The following FAM124A variants were observed in gnomAD, a reference collection of about 807,000 sequenced individuals.
FAM124A encodes protein FAM124A.
In FAM124A, 23 loss-of-function variants were observed where a neutral mutation model predicts 24.5. The observed-to-expected ratio is 0.94, with a 90% confidence interval of 0.68 to 1.33. The LOEUF (loss-of-function observed/expected upper bound fraction) is 1.33, where lower values mean the gene tolerates loss of function less well. Among genes scored for constraint, FAM124A ranks in the 40% most tolerant of loss-of-function variants. The pLI is 0.00. For missense variants in FAM124A, 623 were observed against 722.8 expected (o/e 0.86, Z 1.58); for synonymous variants, 287 against 314.7 (o/e 0.91, Z 0.93).
chr13:51,224,568 A>G (rs765967104), intron 1 of FAM124A, among the ~76,000 whole-genome samples: 78 of 152,342 alleles, frequency 5.1e-4, no homozygotes, highest in Non-Finnish European at 9.7e-4. Flanking sequence ...TGTGTTTGCC[A>G]TATATTCACA....
At chr13:51,242,851 C>G (rs1954513697) in intron 2 of FAM124A, among the ~76,000 whole-genome samples, 1 of 151,998 alleles carries the variant, frequency 6.6e-6, no homozygotes. Context: ...TCCAGCAAAT[C>G]ATAAAAAAAA....
chr13:51,281,971 C>T lies in FAM124A; in HGVS notation c.*715C>T, dbSNP rs1373430590. ...GAGTTCCAGAAAGTAGATTTGCATA[C>T]ACCTTTTCAACAGCACATTTCACTG... On this transcript the variant is annotated 3_prime_UTR_variant, in exon 4 of 4. Coordinates refer to ENST00000322475, the MANE Select transcript of FAM124A (RefSeq NM_001242312.2). 2 of 152,172 alleles carry T rather than the reference C, an allele frequency of 1.3e-5. No individual in the cohort carries two copies. The highest frequency in any genetic ancestry group is 4.8e-5 in the African/African-American group (2 of 41,442). The allele number at this position is 152,172 out of a possible 1,614,324, so 9.4% of individuals were successfully genotyped here.
intron 3 of FAM124A, among the ~76,000 whole-genome samples, chr13:51,268,504 C>T (rs1163653326): frequency 3.9e-5 from 6 of 152,224 alleles, no homozygotes; most frequent in Non-Finnish European, 4.4e-5. Flanking sequence ...ATCCAGTTGG[C>T]TTAGCTCAGT....
chr13:51,238,933 A>C (rs978595122), intron 2 of FAM124A, among the ~76,000 whole-genome samples: 2 of 152,172 alleles, frequency 1.3e-5, no homozygotes, highest in African/African-American at 4.8e-5. Flanking sequence ...TCCATTTCCA[A>C]AAAAAATATG....
chr13:51,224,196 C>T (rs1226549411), intron 1 of FAM124A, among the ~76,000 whole-genome samples: 1 of 152,224 alleles, frequency 6.6e-6, no homozygotes, highest in East Asian at 1.9e-4. Flanking sequence ...TGGCCAGGTG[C>T]GGTAGCTCGC....
chr13:51,257,467 A>G (rs999080161), intron 3 of FAM124A, among the ~76,000 whole-genome samples: 1 of 152,048 alleles, frequency 6.6e-6, no homozygotes, highest in Non-Finnish European at 1.5e-5. Context: ...CACCCTGTAC[A>G]CTCCAGATCT....
chr13:51,270,751 G>A (rs1452779083), intron 3 of FAM124A, among the ~76,000 whole-genome samples: 1 of 152,232 alleles, frequency 6.6e-6, no homozygotes, highest in African/African-American at 2.4e-5. Context: ...GTATTCTGAG[G>A]AAGGCTGGAT....
chr13:51,228,332 A>C (rs1314799019), intron 1 of FAM124A, among the ~76,000 whole-genome samples: 1 of 152,198 alleles, frequency 6.6e-6, no homozygotes, highest in African/African-American at 2.4e-5. Flanking sequence ...TATTGTAATT[A>C]ATATAGACAA....
chr13:51,271,379 A>T (rs901791029), intron 3 of FAM124A, among the ~76,000 whole-genome samples: 6 of 152,188 alleles, frequency 3.9e-5, no homozygotes, highest in Non-Finnish European at 7.3e-5. Flanking sequence ...AGTTTTGAAG[A>T]GTATATAGTC....
intron 2 of FAM124A, among the ~76,000 whole-genome samples, chr13:51,234,751 G>C (rs142404189): frequency 6.6e-6 from 1 of 152,280 alleles, no homozygotes; most frequent in East Asian, 1.9e-4. Flanking sequence ...TAAAAATCTG[G>C]AAGCCTGGGC....
intron 1 of FAM124A, among the ~76,000 whole-genome samples, chr13:51,225,786 C>T (rs569982624): frequency 2.4e-4 from 36 of 152,014 alleles, no homozygotes; most frequent in South Asian, 6.3e-4. Flanking sequence ...GAAAAGGAGA[C>T]AGGTGGATTC....
rs369352318 is a variant in FAM124A, at chr13:51,257,609, AC to A, written c.834+5409del. Among the ~76,000 whole-genome samples, 682 of 152,256 alleles carry A rather than the reference AC, an allele frequency of 4.5e-3. 3 individuals carry two copies. Among genetic ancestry groups the A allele is most frequent in the Non-Finnish European group, 7.2e-3 (493 of 68,012 alleles). On this transcript the variant is annotated intron_variant, in intron 3 of 3. Coordinates refer to ENST00000322475, the MANE Select transcript of FAM124A (RefSeq NM_001242312.2). The stretch of plus-strand genomic sequence containing the variant: ...CCCTTCCAGATCTTCACCAAGGCCT[AC>A]GGCTCTCTGGCTTTATTTATCTCTC...
chr13:51,251,935 T>C lies in FAM124A; in HGVS notation c.568T>C (p.Tyr190His). Reference sequence around the variant, plus strand: ...CAACTATGCTGACAGCCTCAGGTTCTACCAGCTGATTCTCCGGAGGAGCCC... The same window carrying C: ...CAACTATGCTGACAGCCTCAGGTTCCACCAGCTGATTCTCCGGAGGAGCCC... ...YDNYADSLRF[Y>H]QLILRRSPSQ... The change falls in exon 3 of 4, where the codon TAC (tyrosine) becomes CAC (histidine). Residue 190 changes from tyrosine to histidine, a missense_variant. Tyr to His is a moderately conservative substitution (Grantham distance 83). Coordinates refer to ENST00000322475, the MANE Select transcript of FAM124A (RefSeq NM_001242312.2). This position sits in a 1 kb window ranked among gnomAD's most constrained non-coding sequence, Gnocchi z 5.3. The C allele has an allele frequency of 1.2e-6, 2 of 1,614,214 alleles. No homozygotes were observed. The highest frequency in any genetic ancestry group is 1.7e-6 in the Non-Finnish European group (2 of 1,180,030).
chr13:51,257,067 T>C (rs1411622981), intron 3 of FAM124A, among the ~76,000 whole-genome samples: 1 of 152,232 alleles, frequency 6.6e-6, no homozygotes, highest in Admixed American at 6.5e-5. Flanking sequence ...ATATGATAGA[T>C]TTTTCATGTC....
chr13:51,228,657 T>G (rs964121320), intron 1 of FAM124A, among the ~76,000 whole-genome samples: 12 of 152,226 alleles, frequency 7.9e-5, no homozygotes, highest in African/African-American at 2.2e-4. Flanking sequence ...AGAACCCTAA[T>G]GAAATACCTG....
chr13:51,253,824 C>A (rs902656527), intron 3 of FAM124A, among the ~76,000 whole-genome samples: 4 of 152,148 alleles, frequency 2.6e-5, no homozygotes, highest in African/African-American at 9.7e-5. Context: ...GAAGTTAGAA[C>A]AACAGAGTGT....
At chr13:51,224,519 G>T (rs1954297671) in intron 1 of FAM124A, among the ~76,000 whole-genome samples, 1 of 152,052 alleles carries the variant, frequency 6.6e-6, no homozygotes. Flanking sequence ...TTAAGCTAAA[G>T]GTAAAATAGC....
At chr13:51,271,533 A>G (rs1337287301) in intron 3 of FAM124A, among the ~76,000 whole-genome samples, 1 of 152,188 alleles carries the variant, frequency 6.6e-6, no homozygotes, top group Non-Finnish European at 1.5e-5. Context: ...ATTAATTCAA[A>G]TCACCTGAGG....
chr13:51,232,449 G>A (rs953558769), intron 2 of FAM124A, among the ~76,000 whole-genome samples: 1 of 152,118 alleles, frequency 6.6e-6, no homozygotes, highest in African/African-American at 2.4e-5. Context: ...CACTTAATTG[G>A]ATTATTCTAT....
Sources: gnomAD v4.1 joint callset for allele counts (sites outside exome capture counted in the v4.1 genomes callset) on GRCh38, gnomAD v4.1.1 for gene constraint, Gnocchi (gnomAD v3.1) non-coding constraint, MANE v1.5 for transcripts, NCBI Gene and HGNC (gene_info 2026-07-23, HGNC 2026-07-21) for gene names.